SYNPR: variants seen among roughly 807,000 people sequenced by gnomAD.
SYNPR encodes synaptoporin.
SYNPR carries 23 observed loss-of-function variants against 32.9 expected under a neutral mutation model. The observed-to-expected ratio is 0.70, with a 90% CI of 0.50 to 0.99. The LOEUF (loss-of-function observed/expected upper bound fraction) is 0.99. Among genes scored for constraint, SYNPR ranks in the 50% least tolerant of loss-of-function variants. The pLI is 0.00. For synonymous variants in SYNPR, 146 were observed against 135.9 expected, an observed-to-expected ratio of 1.07 and a Z score of -0.52; for missense variants, 318 against 349.3, an observed-to-expected ratio of 0.91 and a Z score of 0.71.
At chr3:63,209,151 T>A in the SYNPR span, among the ~76,000 whole-genome samples, 5 of 152,176 alleles carry the variant, frequency 3.3e-5, no homozygotes, top group East Asian at 5.8e-4. Context: ...ACCCCGTCTC[T>A]ACTAAAAATA....
chr3:63,355,134 C>T (rs1044437454), intron 2 of SYNPR, among the ~76,000 whole-genome samples: 1 of 152,022 alleles, frequency 6.6e-6, no homozygotes, highest in Non-Finnish European at 1.5e-5. Flanking sequence ...CAAAAATTAG[C>T]CGGGCATGGT....
chr3:63,537,167 A>T (rs1702224185), intron 3 of SYNPR, among the ~76,000 whole-genome samples: 1 of 152,106 alleles, frequency 6.6e-6, no homozygotes. Flanking sequence ...AATTAGGGTC[A>T]GTCGTCCTTT....
upstream of SYNPR, among the ~76,000 whole-genome samples, chr3:63,225,201 C>G (rs1014239640): frequency 6.6e-6 from 1 of 152,172 alleles, no homozygotes; most frequent in African/African-American, 2.4e-5. Context: ...TTAATGTATT[C>G]TATGTGTGTT....
intron 1 of SYNPR, among the ~76,000 whole-genome samples, chr3:63,232,614 T>C (rs2083102372): frequency 6.6e-6 from 1 of 152,158 alleles, no homozygotes; most frequent in Non-Finnish European, 1.5e-5. Context: ...TTGTAGGAAA[T>C]ACTATTGAAT....
chr3:63,550,877 C>T (rs1702489452), intron 3 of SYNPR, among the ~76,000 whole-genome samples: 1 of 152,214 alleles, frequency 6.6e-6, no homozygotes, highest in African/African-American at 2.4e-5. Context: ...AATGGGGGCC[C>T]CCAGCTACTT....
At chr3:63,320,695 C>T (rs1485626299) in intron 2 of SYNPR, among the ~76,000 whole-genome samples, 1 of 152,038 alleles carries the variant, frequency 6.6e-6, no homozygotes, top group African/African-American at 2.4e-5. Flanking sequence ...TAATAGAACT[C>T]TCAGACCCTA....
intron 2 of SYNPR, among the ~76,000 whole-genome samples, chr3:63,377,489 C>T (rs1278978981): frequency 6.6e-6 from 1 of 151,968 alleles, no homozygotes; most frequent in Admixed American, 6.6e-5. Flanking sequence ...AATTTCAGTA[C>T]GTCATGCCAA....
intron 2 of SYNPR, among the ~76,000 whole-genome samples, chr3:63,473,732 G>T (rs1406139325): frequency 1.3e-5 from 2 of 152,136 alleles, no homozygotes; most frequent in Non-Finnish European, 2.9e-5. Flanking sequence ...AACCATGTGA[G>T]GACAGAAGTT....
At chr3:63,256,318 C>T (rs1266813896) in intron 2 of SYNPR, among the ~76,000 whole-genome samples, 2 of 152,208 alleles carry the variant, frequency 1.3e-5, no homozygotes, top group African/African-American at 4.8e-5. Context: ...GAGGCACCCC[C>T]CAGTAGGGGC....
chr3:63,421,375 T>C, intron 2 of SYNPR, among the ~76,000 whole-genome samples: 1 of 150,474 alleles, frequency 6.6e-6, no homozygotes, highest in East Asian at 1.9e-4. Context: ...AAAAGATAAA[T>C]ATATAGACAA....
chr3:63,433,665 C>T (rs1700030651), intron 2 of SYNPR, among the ~76,000 whole-genome samples: 1 of 152,138 alleles, frequency 6.6e-6, no homozygotes, highest in African/African-American at 2.4e-5. Flanking sequence ...CCATCGGATA[C>T]CAGGGCTGCA....
exon 3 of SYNPR, chr3:63,267,352 G>C (rs557270147): frequency 2.6e-5 from 4 of 152,278 alleles, no homozygotes; most frequent in African/African-American, 9.6e-5. Flanking sequence ...AGTGTCAATA[G>C]GACCTCAAAA....
At chr3:63,325,342 A>C (rs2087154385) in intron 2 of SYNPR, among the ~76,000 whole-genome samples, 1 of 152,164 alleles carries the variant, frequency 6.6e-6, no homozygotes, top group African/African-American at 2.4e-5. Flanking sequence ...AATTTTCATT[A>C]GTTTCTTTAA....
Position 63,253,411 on chromosome 3 carries a change from T to C in SYNPR, n.154+825T>C, listed in dbSNP as rs148774490. ...CTGTAGCATCATTTGGACAACTGCATTGCCTTCCTAAAGACTACCTTGAAA... is the reference window on the plus strand; with the variant it reads ...CTGTAGCATCATTTGGACAACTGCACTGCCTTCCTAAAGACTACCTTGAAA... On this transcript the variant is annotated intron_variant and non_coding_transcript_variant, in intron 2 of 4. Transcript: ENST00000478456. 3.9e-3 allele frequency among the ~76,000 whole-genome samples: 589 copies of C among 152,344 alleles called. 2 individuals carry two copies. Among genetic ancestry groups the C allele is most frequent in the African/African-American group, 0.013 (524 of 41,590 alleles).
chr3:63,478,843 T>C (rs908448046), intron 2 of SYNPR, among the ~76,000 whole-genome samples: 1 of 152,210 alleles, frequency 6.6e-6, no homozygotes, highest in African/African-American at 2.4e-5. Flanking sequence ...CCAAAGACAC[T>C]ATCTTGACGT....
intron 2 of SYNPR, among the ~76,000 whole-genome samples, chr3:63,303,008 C>T (rs891055779): frequency 2.6e-5 from 4 of 151,700 alleles, no homozygotes; most frequent in Admixed American, 2.0e-4. Context: ...ATTAAATTAT[C>T]AAGTGTACTC....
chr3:63,546,176 T>C (rs9831796), intron 3 of SYNPR, among the ~76,000 whole-genome samples: 2,997 of 152,226 alleles, frequency 0.02, 110 homozygotes, highest in African/African-American at 0.066. Flanking sequence ...TTACTCAAAT[T>C]CTATTTGAAG....
intron 4 of SYNPR, among the ~76,000 whole-genome samples, chr3:63,572,111 G>A (rs1702897731): frequency 1.3e-5 from 2 of 152,264 alleles, no homozygotes; most frequent in Middle Eastern, 3.4e-3. Context: ...CCATACATCT[G>A]TGTGAGTGTT....
chr3:63,266,828 G>A (rs1313725818), intron 2 of SYNPR, among the ~76,000 whole-genome samples: 1 of 151,974 alleles, frequency 6.6e-6, no homozygotes, highest in Non-Finnish European at 1.5e-5. Flanking sequence ...GCTTCTCCAC[G>A]AGACCCAGTA....
Sources: allele counts gnomAD v4.1 joint callset (sites outside exome capture counted in the v4.1 genomes callset), GRCh38; gene constraint gnomAD v4.1.1; transcripts MANE v1.5; gene names NCBI Gene and HGNC (gene_info 2026-07-23, HGNC 2026-07-21).